Variants in SETD1A observed in about 807,000 individuals in gnomAD.
The protein encoded by SETD1A is histone-lysine N-methyltransferase SETD1A.
A neutral mutation model predicts 149.9 loss-of-function variants in SETD1A; 29 were observed. That is an observed-to-expected ratio of 0.19 (90% CI 0.14 to 0.26). SETD1A has a LOEUF of 0.26. SETD1A is among the 10% of genes least tolerant of loss of function. The probability of loss-of-function intolerance (pLI) is 1.00; values close to 1 mark genes in which losing one functional copy is unlikely to be tolerated. For missense variants in SETD1A, 2,109 were observed against 2,353.1 expected, an observed-to-expected ratio of 0.90 and a Z score of 2.15; for synonymous variants, 1,141 against 968.5, an observed-to-expected ratio of 1.18 and a Z score of -3.31.
chr16:30,967,665 G>T (rs922269821), intron 10 of SETD1A, 77 bp downstream of exon 10: 2 of 1,302,254 alleles, frequency 1.5e-6, no homozygotes, highest in Non-Finnish European at 2.2e-6. Context: ...GGGATGAAGG[G>T]GTCAGGTCGT....
intron 1 of SETD1A, 114 bp from the exon 2 acceptor site, chr16:30,958,603 G>A: frequency 2.3e-6 from 2 of 871,708 alleles, no homozygotes; most frequent in Non-Finnish European, 3.6e-6. Context: ...TCAGGGTGAG[G>A]GTTGGAAACT....
chr16:30,978,272 CAAAAA>C (rs72209091), intron 13 of SETD1A, among the ~76,000 whole-genome samples: 1 of 96,650 alleles, frequency 1.0e-5, no homozygotes, highest in African/African-American at 3.6e-5. Context: ...GACCCCATCT[CAAAAA>C]AAAAAAAAAA....
At chr16:30,967,349 T>C in intron 9 of SETD1A, 152 bp from the exon 10 acceptor site, 1 of 737,620 alleles carries the variant, frequency 1.4e-6, no homozygotes. Flanking sequence ...AGCTGGGGTT[T>C]CACTGTGTTG....
intron 13 of SETD1A, among the ~76,000 whole-genome samples, chr16:30,972,099 C>A (rs753034901): frequency 6.6e-6 from 1 of 152,188 alleles, no homozygotes; most frequent in South Asian, 2.1e-4. Context: ...CAAGTATTAA[C>A]ATAACACAGA....
chr16:30,964,494 C>T lies in SETD1A; in HGVS notation c.870-118C>T, dbSNP rs144008087. 1.2e-3 allele frequency: 1,780 copies of T among 1,505,080 alleles called. 21 individuals are homozygous for T. The African/African-American group carries it at 0.021, about 17-fold the overall frequency. 93.2% of individuals were successfully genotyped at this position (1,505,080 alleles called of 1,614,324 possible). On this transcript the variant is annotated intron_variant, in intron 6 of 18. Transcript: ENST00000262519. ...TCGGGGAACACACTAGCTAGGAACC[C>T]AACATATAGCTCTTCTTTTGGAGGG...
At chr16:30,966,804 TG>T (rs2056153752) in intron 8 of SETD1A, 79 bp from the exon 9 acceptor site, 10 of 1,434,490 alleles carry the variant, frequency 7.0e-6, no homozygotes, top group Non-Finnish European at 8.3e-6. Flanking sequence ...TCTGTATTCC[TG>T]GGGTCCGGGA....
chr16:30,969,621 A>C lies in SETD1A; in HGVS notation c.2948A>C (p.Glu983Ala). Reference protein sequence around the residue: ...SSEKDEEDDEEDEEDEDREEA... With the variant: ...SSEKDEEDDEADEEDEDREEA... ...CTTAAGGATGAGGAGGATGACGAGGAAGATGAGGAAGATGAAGATCGAGAG... is the reference window on the plus strand; with the variant it reads ...CTTAAGGATGAGGAGGATGACGAGGCAGATGAGGAAGATGAAGATCGAGAG... Residue 983 changes from glutamate (E) to alanine (A), a missense_variant, in exon 12 of 19, where the codon GAA becomes GCA. This residue lies in a region of SETD1A where 832 missense variants were observed against 815.6 expected (regional missense o/e 1.02). Coordinates refer to ENST00000262519, the MANE Select transcript of SETD1A (RefSeq NM_014712.3). The C allele has an allele frequency of 6.2e-7, 1 of 1,614,012 alleles. No individual in the cohort carries two copies.
intron 13 of SETD1A, among the ~76,000 whole-genome samples, chr16:30,972,714 C>T (rs555701921): frequency 4.7e-5 from 7 of 149,370 alleles, no homozygotes; most frequent in East Asian, 2.0e-4. Flanking sequence ...ACTAGCTAGG[C>T]GTGGTGGCGC....
Position 30,967,050 on chromosome 16 carries a change from C to T in SETD1A, c.2672C>T (p.Pro891Leu). The change falls in exon 9 of 19, where the codon CCT (proline) becomes CTT (leucine). Residue 891 changes from proline to leucine, a missense_variant. Pro to Leu is a moderately conservative substitution (Grantham distance 98, BLOSUM62 -3). This residue lies in a region of SETD1A where 832 missense variants were observed against 815.6 expected (regional missense o/e 1.02). Coordinates refer to ENST00000262519, the MANE Select transcript of SETD1A (RefSeq NM_014712.3). ...GSGLRGALRL[P>L]SFKVKRKEPS... ...GGGCTGAGAGGGGCCCTGCGGCTGC[C>T]TTCATTCAAGGTACTCAGAACTGTC... 4.4e-6 allele frequency: 7 copies of T among 1,584,774 alleles called. No homozygotes were observed. Among genetic ancestry groups the T allele is most frequent in the Non-Finnish European group, 6.0e-6 (7 of 1,166,800 alleles).
rs771892048 is a variant in SETD1A, at chr16:30,980,168, A to G, written c.4382A>G (p.Asn1461Ser). 3 of 1,610,456 alleles carry G rather than the reference A, an allele frequency of 1.9e-6. No homozygotes were observed. Among genetic ancestry groups the G allele is most frequent in the Non-Finnish European group, 2.5e-6 (3 of 1,178,424 alleles). ...LQQTSGADWL[N>S]DTHWVHHTIT... ...CAGACAAGCGGGGCTGACTGGCTCAACGACACTCACTGGGTCCATCACACA... is the reference window on the plus strand; with the variant it reads ...CAGACAAGCGGGGCTGACTGGCTCAGCGACACTCACTGGGTCCATCACACA... The change falls in exon 14 of 19, where the codon AAC becomes AGC. Residue 1461 changes from asparagine to serine, a missense_variant. Coordinates refer to ENST00000262519, the MANE Select transcript of SETD1A (RefSeq NM_014712.3). The surrounding 1 kb of genome is among the most constrained non-coding windows in gnomAD (Gnocchi z 7.7).
At position 30,965,783 on chromosome 16, in the gene SETD1A, C is replaced by T. The variant is rs1476353962; in HGVS notation, c.1902C>T (p.Leu634=). Residue 634 remains leucine (L), a synonymous_variant, in exon 8 of 19, where the codon CTC becomes CTT. Coordinates refer to ENST00000262519, the MANE Select transcript of SETD1A (RefSeq NM_014712.3). The part of the protein sequence containing the change: ...GYPPHQPAYL[L]PPRPDGPPPP... ...CTCCCCACCAACCTGCCTACCTCCT[C>T]CCACCCAGACCTGATGGGCCGCCGC... 1 of 1,588,354 alleles carries T rather than the reference C, an allele frequency of 6.3e-7. No individual in the cohort carries two copies. The highest frequency in any genetic ancestry group is 8.6e-7 in the Non-Finnish European group (1 of 1,166,062).
chr16:30,958,504 G>T, intron 1 of SETD1A: 1 of 568,560 alleles, frequency 1.8e-6, no homozygotes, highest in East Asian at 2.9e-5. Flanking sequence ...GGGCCTGGGG[G>T]CCTGACAGTA....
At chr16:30,977,972 C>T (rs1048326077) in intron 13 of SETD1A, among the ~76,000 whole-genome samples, 2 of 152,146 alleles carry the variant, frequency 1.3e-5, no homozygotes, top group African/African-American at 2.4e-5. Context: ...CTCAGTTTTC[C>T]TGTCTGTAAG....
intron 3 of SETD1A, among the ~76,000 whole-genome samples, chr16:30,960,100 C>T (rs567940355): frequency 9.9e-5 from 15 of 152,200 alleles, no homozygotes; most frequent in African/African-American, 3.6e-4. Context: ...TATTCTTCAT[C>T]TTTCTATTCT....
At chr16:30,975,002 C>G (rs2056267220) in intron 13 of SETD1A, among the ~76,000 whole-genome samples, 1 of 152,156 alleles carries the variant, frequency 6.6e-6, no homozygotes, top group South Asian at 2.1e-4. Flanking sequence ...CAAAAACTAG[C>G]TGGGCATAGT....
intron 4 of SETD1A, among the ~76,000 whole-genome samples, chr16:30,962,799 TC>T (rs906833551): frequency 6.6e-6 from 1 of 152,044 alleles, no homozygotes; most frequent in Non-Finnish European, 1.5e-5. Context: ...ATAACAAAAA[TC>T]CGGACGTGGT....
In SETD1A at chr16:30,979,932, C is replaced by A. The variant is rs1368866886; in HGVS notation, c.4146C>A (p.Ser1382Arg). ...EEEESSDSSS[S>R]SDGEGALRRR... ...AGGAGTCCTCTGACAGCAGCAGCAG[C>A]AGCGATGGGGAGGGCGCCCTCCGGA... The change falls in exon 14 of 19, where the codon AGC (serine) becomes AGA (arginine). Residue 1382 changes from serine (S) to arginine (R), a missense_variant. Coordinates refer to ENST00000262519, the MANE Select transcript of SETD1A (RefSeq NM_014712.3). 2 of 1,534,394 alleles carry A rather than the reference C, an allele frequency of 1.3e-6. No individual in the cohort carries two copies. The highest frequency in any genetic ancestry group is 2.0e-5 in the Admixed American group (1 of 50,768).
At chr16:30,960,517 A>G (rs2056036491) in intron 3 of SETD1A, among the ~76,000 whole-genome samples, 2 of 152,104 alleles carry the variant, frequency 1.3e-5, no homozygotes, top group South Asian at 2.1e-4. Flanking sequence ...CCAGAACACC[A>G]TGTATGCGTC....
At chr16:30,969,539 C>T (rs1295128069) in intron 11 of SETD1A, 63 bp from the exon 12 acceptor site, 2 of 1,590,268 alleles carry the variant, frequency 1.3e-6, no homozygotes, top group South Asian at 1.1e-5. Flanking sequence ...GCCCAGGCAG[C>T]TGTGCCTGGT....
Sources: gnomAD v4.1 joint callset for allele counts (sites outside exome capture counted in the v4.1 genomes callset) on GRCh38, gnomAD v4.1.1 for gene constraint, gnomAD v4.1.1 regional missense constraint, Gnocchi (gnomAD v3.1) non-coding constraint, MANE v1.5 for transcripts, NCBI Gene and HGNC (gene_info 2026-07-23, HGNC 2026-07-21) for gene names.